Variants in SMAP1 observed in about 807,000 individuals in gnomAD.
The protein encoded by SMAP1 is stromal membrane-associated protein 1.
A neutral mutation model predicts 58.5 loss-of-function variants in SMAP1; 24 were observed. That is an observed-to-expected ratio of 0.41 (90% CI 0.30 to 0.58). The LOEUF is 0.58. Among genes scored for constraint, SMAP1 ranks in the 20% least tolerant of loss-of-function variants. The pLI is 0.29. For synonymous variants in SMAP1, 216 were observed against 196.6 expected (o/e 1.10, Z -0.82); for missense variants, 563 against 566.3 (o/e 0.99, Z 0.06).
At chr6:70,806,161 C>T (rs76962578) in intron 6 of SMAP1, among the ~76,000 whole-genome samples, 79 of 152,306 alleles carry the variant, frequency 5.2e-4, no homozygotes, top group East Asian at 3.3e-3. Flanking sequence ...CGGTGGGCTC[C>T]GCTAAGTTTG....
chr6:70,814,585 C>G (rs79973285), intron 6 of SMAP1, among the ~76,000 whole-genome samples: 1 of 152,044 alleles, frequency 6.6e-6, no homozygotes, highest in South Asian at 2.1e-4. Context: ...CCTATTGTTT[C>G]CTTTCGTCTG....
intron 7 of SMAP1, among the ~76,000 whole-genome samples, chr6:70,838,621 A>G (rs552303967): frequency 6.6e-6 from 1 of 152,152 alleles, no homozygotes; most frequent in Non-Finnish European, 1.5e-5. Flanking sequence ...AGAACACAGC[A>G]GATGCAAAGG....
At chr6:70,759,412 C>T (rs1398725460) in intron 3 of SMAP1, among the ~76,000 whole-genome samples, 1 of 152,022 alleles carries the variant, frequency 6.6e-6, no homozygotes, top group East Asian at 1.9e-4. Flanking sequence ...TTGAATATAA[C>T]AGGGTAAATT....
chr6:70,850,040 G>A (rs1455950198), intron 7 of SMAP1, among the ~76,000 whole-genome samples: 3 of 152,196 alleles, frequency 2.0e-5, no homozygotes, highest in Non-Finnish European at 4.4e-5. Context: ...TTGTTTTACG[G>A]ATTAGAAAAT....
chr6:70,754,478 A>G (rs545783212), intron 2 of SMAP1, among the ~76,000 whole-genome samples: 1 of 152,230 alleles, frequency 6.6e-6, no homozygotes, highest in Non-Finnish European at 1.5e-5. Flanking sequence ...TTAATAACTC[A>G]AAAGAAATTA....
chr6:70,732,281 T>G, intron 1 of SMAP1, 97 bp from the exon 2 acceptor site: 1 of 1,314,898 alleles, frequency 7.6e-7, no homozygotes, highest in South Asian at 1.7e-5. Context: ...AAGCTTCCAT[T>G]ATAATTATAT....
intron 1 of SMAP1, among the ~76,000 whole-genome samples, chr6:70,718,781 C>T (rs1465054140): frequency 1.5e-5 from 2 of 136,660 alleles, no homozygotes; most frequent in Non-Finnish European, 3.1e-5. Flanking sequence ...GATTGTACCA[C>T]TTCACTCCAG....
At chr6:70,833,304 GA>G (rs1164332940) in intron 6 of SMAP1, among the ~76,000 whole-genome samples, 2 of 152,148 alleles carry the variant, frequency 1.3e-5, no homozygotes, top group Non-Finnish European at 2.9e-5. Context: ...TAATATATAT[GA>G]AGAAGTATAT....
At chr6:70,754,812 C>T (rs900806966) in intron 2 of SMAP1, among the ~76,000 whole-genome samples, 168 bp from the exon 3 acceptor site, 1 of 151,986 alleles carries the variant, frequency 6.6e-6, no homozygotes, top group African/African-American at 2.4e-5. Context: ...TCTGTTTTAA[C>T]TTGAGTGATT....
chr6:70,817,944 G>T (rs868810631), intron 6 of SMAP1, among the ~76,000 whole-genome samples: 1 of 152,138 alleles, frequency 6.6e-6, no homozygotes, highest in Non-Finnish European at 1.5e-5. Flanking sequence ...AGATGAAAAA[G>T]TGTATCTCCA....
intron 6 of SMAP1, among the ~76,000 whole-genome samples, chr6:70,808,848 A>G (rs1769258989): frequency 2.6e-5 from 4 of 151,680 alleles, no homozygotes; most frequent in Admixed American, 1.3e-4. Context: ...GTTAAAACAC[A>G]AAGTCTAATT....
intron 1 of SMAP1, among the ~76,000 whole-genome samples, chr6:70,697,827 C>T (rs541227012): frequency 2.6e-5 from 4 of 152,318 alleles, no homozygotes; most frequent in Admixed American, 2.6e-4. Context: ...ATCCCCCACA[C>T]TTCTTAACTT....
At chr6:70,809,031 A>G (rs1356625240) in intron 6 of SMAP1, among the ~76,000 whole-genome samples, 1 of 151,904 alleles carries the variant, frequency 6.6e-6, no homozygotes, top group African/African-American at 2.4e-5. Flanking sequence ...TCCCTAAAGT[A>G]TGTATTGTGA....
At chr6:70,670,345 CAA>C (rs996258740) in intron 1 of SMAP1, among the ~76,000 whole-genome samples, 8 of 151,960 alleles carry the variant, frequency 5.3e-5, no homozygotes, top group Non-Finnish European at 1.0e-4. Context: ...ATCTTTCAGG[CAA>C]AAAATCACAG....
At chr6:70,757,697 A>C (rs1766557272) in intron 3 of SMAP1, among the ~76,000 whole-genome samples, 2 of 152,210 alleles carry the variant, frequency 1.3e-5, no homozygotes, top group African/African-American at 2.4e-5. Context: ...ACCCCATCAA[A>C]AAGTGGGCGA....
chr6:70,707,587 A>T (rs1767889076), intron 1 of SMAP1, among the ~76,000 whole-genome samples: 1 of 152,138 alleles, frequency 6.6e-6, no homozygotes, highest in Non-Finnish European at 1.5e-5. Context: ...AATGTAACAC[A>T]TTTTAAACAT....
intron 3 of SMAP1, among the ~76,000 whole-genome samples, chr6:70,756,417 C>T (rs777207295): frequency 6.6e-6 from 1 of 152,030 alleles, no homozygotes; most frequent in Non-Finnish European, 1.5e-5. Flanking sequence ...TTTCTGTTCG[C>T]CCCACTCCTT....
At chr6:70,828,363 A>AGAT (rs986992460) in intron 6 of SMAP1, among the ~76,000 whole-genome samples, 23 of 152,326 alleles carry the variant, frequency 1.5e-4, no homozygotes, top group African/African-American at 5.3e-4. Context: ...TAGGTAATCA[A>AGAT]GATAGGTTAG....
intron 2 of SMAP1, among the ~76,000 whole-genome samples, chr6:70,740,654 T>G (rs1765776876): frequency 6.6e-6 from 1 of 152,172 alleles, no homozygotes; most frequent in Non-Finnish European, 1.5e-5. Context: ...GAAGAGAAAC[T>G]TCATGGTCAG....
Sources: gnomAD v4.1 joint callset for allele counts (sites outside exome capture counted in the v4.1 genomes callset) on GRCh38, gnomAD v4.1.1 for gene constraint, MANE v1.5 for transcripts, NCBI Gene and HGNC (gene_info 2026-07-23, HGNC 2026-07-21) for gene names.